Variants in SUGCT observed in about 807,000 individuals in gnomAD.
SUGCT encodes the protein succinyl-CoA:glutarate-CoA transferase, also known as succinyl-CoA:glutarate CoA-transferase.
SUGCT carries 41 observed loss-of-function variants against 55.0 expected under a neutral mutation model. The observed-to-expected ratio is 0.74, with a 90% confidence interval of 0.58 to 0.97. The LOEUF (loss-of-function observed/expected upper bound fraction) is 0.97, where lower values mean the gene tolerates loss of function less well. SUGCT is among the 50% of genes least tolerant of loss of function. SUGCT has a pLI of 0.00. For synonymous variants in SUGCT, 187 were observed against 200.4 expected, an observed-to-expected ratio of 0.93 and a Z score of 0.56; for missense variants, 568 against 547.8, an observed-to-expected ratio of 1.04 and a Z score of -0.37.
chr7:40,628,920 T>G (rs1799653738), intron 12 of SUGCT, among the ~76,000 whole-genome samples: 1 of 152,134 alleles, frequency 6.6e-6, no homozygotes, highest in South Asian at 2.1e-4. Flanking sequence ...TTTTGTATTT[T>G]TGGTAGAGAT....
chr7:40,932,940 T>A, the SUGCT span, among the ~76,000 whole-genome samples: 6 of 152,166 alleles, frequency 3.9e-5, no homozygotes, highest in African/African-American at 1.4e-4. Context: ...ACATTTAAAG[T>A]TAATATTGTT....
At chr7:40,242,672 G>T (rs906642396) in intron 7 of SUGCT, among the ~76,000 whole-genome samples, 1 of 151,560 alleles carries the variant, frequency 6.6e-6, no homozygotes, top group Non-Finnish European at 1.5e-5. Flanking sequence ...TTGTTACGAT[G>T]TAGTAAATAG....
chr7:40,914,712 G>A, the SUGCT span, among the ~76,000 whole-genome samples: 1 of 152,170 alleles, frequency 6.6e-6, no homozygotes, highest in Non-Finnish European at 1.5e-5. Context: ...TTACACTGCT[G>A]TATCTCAGAC....
At chr7:40,641,140 G>T (rs925351667) in intron 12 of SUGCT, among the ~76,000 whole-genome samples, 1 of 152,222 alleles carries the variant, frequency 6.6e-6, no homozygotes, top group African/African-American at 2.4e-5. Context: ...TTTATGGGAA[G>T]CTGAGAAATC....
intron 9 of SUGCT, among the ~76,000 whole-genome samples, chr7:40,342,457 G>A (rs1245897664): frequency 3.3e-5 from 5 of 152,108 alleles, no homozygotes; most frequent in African/African-American, 4.8e-5. Context: ...TGTTTAGTTC[G>A]TATGATTAAA....
At chr7:40,484,646 G>A (rs1791234797) in intron 11 of SUGCT, among the ~76,000 whole-genome samples, 1 of 152,118 alleles carries the variant, frequency 6.6e-6, no homozygotes, top group Non-Finnish European at 1.5e-5. Context: ...CTAAGCCTCA[G>A]TTTCCTAAAT....
At chr7:40,420,987 G>A (rs1216546342) in intron 9 of SUGCT, among the ~76,000 whole-genome samples, 4 of 152,034 alleles carry the variant, frequency 2.6e-5, no homozygotes, top group Non-Finnish European at 5.9e-5. Context: ...TTCCAACTGT[G>A]TTTCCAATAT....
chr7:40,649,402 G>T (rs541863195), intron 12 of SUGCT, among the ~76,000 whole-genome samples: 4 of 150,568 alleles, frequency 2.7e-5, no homozygotes, highest in Non-Finnish European at 5.9e-5. Context: ...CTTTACAGAT[G>T]GGGGGGGAAG....
At chr7:40,778,966 G>C (rs1218442209) in intron 13 of SUGCT, among the ~76,000 whole-genome samples, 3 of 152,212 alleles carry the variant, frequency 2.0e-5, no homozygotes, top group Middle Eastern at 3.4e-3. Flanking sequence ...CATGGACATT[G>C]ACCACAACAC....
chr7:41,014,607 T>G, the SUGCT span, among the ~76,000 whole-genome samples: 1 of 152,208 alleles, frequency 6.6e-6, no homozygotes, highest in Non-Finnish European at 1.5e-5. Flanking sequence ...AGCCTGGAGC[T>G]GCGGATCACC....
chr7:40,429,271 T>A (rs2151383732), intron 9 of SUGCT, among the ~76,000 whole-genome samples: 1 of 152,318 alleles, frequency 6.6e-6, no homozygotes, highest in African/African-American at 2.4e-5. Context: ...TTTTGTATCC[T>A]CTGAACTGCA....
intron 11 of SUGCT, among the ~76,000 whole-genome samples, chr7:40,481,334 C>T (rs577596306): frequency 6.6e-6 from 1 of 151,096 alleles, no homozygotes; most frequent in Non-Finnish European, 1.5e-5. Flanking sequence ...TGAGACCCTA[C>T]CTCAAGAAAA....
chr7:40,187,002 A>G (rs773819707), intron 3 of SUGCT, among the ~76,000 whole-genome samples: 4 of 152,198 alleles, frequency 2.6e-5, no homozygotes, highest in Non-Finnish European at 4.4e-5. Context: ...TTATTGCGGC[A>G]CTGTTCACAA....
chr7:40,147,055 T>TCTCTCTTTCTTCTC (rs1554346016), intron 1 of SUGCT, among the ~76,000 whole-genome samples: 3 of 150,344 alleles, frequency 2.0e-5, no homozygotes, highest in African/African-American at 4.9e-5. Context: ...TCTCTCTTTC[T>TCTCTCTTTCTTCTC]TCTCTCTTTC....
At chr7:40,984,098 A>C in the SUGCT span, among the ~76,000 whole-genome samples, 8 of 151,858 alleles carry the variant, frequency 5.3e-5, no homozygotes, top group Admixed American at 1.3e-4. Flanking sequence ...CCAGGTAACC[A>C]CTCTCTCACT....
chr7:40,895,494 C>T, the SUGCT span, among the ~76,000 whole-genome samples: 1 of 152,158 alleles, frequency 6.6e-6, no homozygotes, highest in South Asian at 2.1e-4. Flanking sequence ...GAATCACAAA[C>T]TATGATCAAG....
At chr7:40,815,299 TGTGCCTAGGCATG>T (rs1791611907) in intron 13 of SUGCT, among the ~76,000 whole-genome samples, 1 of 152,194 alleles carries the variant, frequency 6.6e-6, no homozygotes, top group Non-Finnish European at 1.5e-5. Context: ...CACCCAGAGG[TGTGCCTAGGCATG>T]GTGCTGGGAA....
intron 12 of SUGCT, among the ~76,000 whole-genome samples, chr7:40,673,184 A>T (rs12701827): frequency 0.078 from 11,885 of 152,160 alleles, 571 homozygotes; most frequent in East Asian, 0.23. Flanking sequence ...TGGAATCTCC[A>T]TCCTCCATGT....
chr7:40,659,780 C>G lies in SUGCT; in HGVS notation c.1090-89654C>G, dbSNP rs549605601. On this transcript the variant is annotated intron_variant, in intron 12 of 13. Coordinates refer to ENST00000335693, the MANE Select transcript of SUGCT (RefSeq NM_001193313.2). ...GACTCACTGAGAGCCCTCGAATTTA[C>G]TTGACTTGGGGTGAGGGACACCATC... Among the ~76,000 whole-genome samples, 38 of 152,324 alleles carry G rather than the reference C, an allele frequency of 2.5e-4. No homozygotes were observed. In the South Asian group the frequency reaches 7.7e-3, roughly 31 times the overall value.
Sources: gnomAD v4.1 joint callset for allele counts (sites outside exome capture counted in the v4.1 genomes callset) on GRCh38, gnomAD v4.1.1 for gene constraint, MANE v1.5 for transcripts, NCBI Gene and HGNC (gene_info 2026-07-23, HGNC 2026-07-21) for gene names.